Variants in ZNF254 observed in about 807,000 individuals in gnomAD.
ZNF254 encodes the protein CTD-2017D11.1.
A neutral mutation model predicts 12.4 loss-of-function variants in ZNF254; 10 were observed. That is an observed-to-expected ratio of 0.80 (90% confidence interval 0.50 to 1.36). The LOEUF (loss-of-function observed/expected upper bound fraction) is 1.36, where lower values mean the gene tolerates loss of function less well. Ranked by LOEUF, ZNF254 falls within the 40% of genes most tolerant of loss-of-function variation. ZNF254 has a pLI of 0.00. For synonymous variants in ZNF254, 305 were observed against 253.4 expected (o/e 1.20, Z -1.93); for missense variants, 996 against 763.9 (o/e 1.30, Z -3.58).
upstream of ZNF254, among the ~76,000 whole-genome samples, chr19:24,084,157 A>T (rs1971944667): frequency 6.8e-6 from 1 of 147,800 alleles, no homozygotes; most frequent in Non-Finnish European, 1.5e-5. Context: ...ATATATATAT[A>T]ATATATATAA....
At chr19:24,101,852 C>G (rs1249737721) in intron 1 of ZNF254, among the ~76,000 whole-genome samples, 1 of 152,142 alleles carries the variant, frequency 6.6e-6, no homozygotes, top group Non-Finnish European at 1.5e-5. Context: ...TTGCTTCTGT[C>G]TTAGTGTAAA....
chr19:24,091,196 G>GCCCCC (rs1972359682), intron 1 of ZNF254, among the ~76,000 whole-genome samples: 1 of 151,480 alleles, frequency 6.6e-6, no homozygotes, highest in African/African-American at 2.4e-5. Context: ...CCGCCCGCCT[G>GCCCCC]GGCCTCCCAA....
At chr19:24,040,565 A>T (rs1368145248) in intron 1 of ZNF254, among the ~76,000 whole-genome samples, 3 of 152,248 alleles carry the variant, frequency 2.0e-5, no homozygotes, top group Non-Finnish European at 2.9e-5. Context: ...CAGAAGAAAT[A>T]GCCTAAGCCA....
chr19:24,127,780 G>C lies in ZNF254; in HGVS notation c.1780G>C (p.Val594Leu). ...NRSSTFTKHK[V>L]IHTGVKPYKC... Reference sequence around the variant, plus strand: ...GTCTTCAACTTTTACTAAACATAAGGTAATTCATACTGGAGTAAAACCCTA... The same window carrying C: ...GTCTTCAACTTTTACTAAACATAAGCTAATTCATACTGGAGTAAAACCCTA... Residue 594 changes from valine to leucine, a missense_variant, in exon 4 of 4, where the codon GTA (valine) becomes CTA (leucine). Physicochemically the swap from Val to Leu is conservative, Grantham distance 32. Coordinates refer to ENST00000357002, the MANE Select transcript of ZNF254 (RefSeq NM_203282.4). 6.4e-7 allele frequency: 1 copy of C among 1,558,842 alleles called. No individual in the cohort carries two copies. Among genetic ancestry groups the C allele is most frequent in the Non-Finnish European group, 8.7e-7 (1 of 1,150,764 alleles).
chr19:24,081,092 AG>A (rs1195174657), intron 2 of ZNF254, among the ~76,000 whole-genome samples: 2 of 148,850 alleles, frequency 1.3e-5, no homozygotes, highest in Non-Finnish European at 3.0e-5. Context: ...AAAAAAAAAA[AG>A]AATATTAACT....
In ZNF254 at chr19:24,127,436, G is replaced by T; in HGVS notation, c.1436G>T (p.Arg479Ile). 2 of 1,599,714 alleles carry T rather than the reference G, an allele frequency of 1.3e-6. No homozygotes were observed. The highest frequency in any genetic ancestry group is 1.7e-6 in the Non-Finnish European group (2 of 1,174,800). ...TTTATATGGTCCTCAACCCTAACTA[G>T]ACATAAGAGGATGCACACTGGAGAG... ...KAFIWSSTLT[R>I]HKRMHTGEKP... is the part of the protein sequence containing the mutation. The change falls in exon 4 of 4, where the codon AGA becomes ATA. Residue 479 changes from arginine (R) to isoleucine (I), a missense_variant. Physicochemically the swap from Arg to Ile is moderately conservative, Grantham distance 97. Transcript: ENST00000357002.
chr19:24,079,855 G>A (rs1971787451), intron 2 of ZNF254: 1 of 152,138 alleles, frequency 6.6e-6, no homozygotes, highest in African/African-American at 2.4e-5. Context: ...ATGGTCACTT[G>A]TTTGTTGAAA....
chr19:24,041,689 G>GA (rs1970170295), intron 1 of ZNF254, among the ~76,000 whole-genome samples: 1 of 152,242 alleles, frequency 6.6e-6, no homozygotes, highest in African/African-American at 2.4e-5. Flanking sequence ...CCCAAGGGCT[G>GA]AGGAATGCGA....
chr19:24,127,647 A>T lies in ZNF254; in HGVS notation c.1647A>T (p.Glu549Asp). ...IHTEEKPYKC[E>D]KCGKAFKQSS... is the part of the protein sequence containing the mutation. ...CTGAAGAGAAACCCTACAAATGTGA[A>T]AAATGTGGCAAAGCCTTTAAGCAGT... Residue 549 changes from glutamate to aspartate, a missense_variant, in exon 4 of 4, where the codon GAA (glutamate) becomes GAT (aspartate). Physicochemically the swap from Glu to Asp is conservative, Grantham distance 45 (BLOSUM62 2). Transcript: ENST00000357002. 6.2e-7 allele frequency: 1 copy of T among 1,610,942 alleles called. No homozygotes were observed.
At chr19:24,117,184 G>A (rs1480256736) in intron 3 of ZNF254, among the ~76,000 whole-genome samples, 1 of 152,112 alleles carries the variant, frequency 6.6e-6, no homozygotes. Context: ...CCTGTTCTCA[G>A]ATCTCCAGCT....
upstream of ZNF254, chr19:24,087,131 C>T: frequency 1.4e-6 from 1 of 703,124 alleles, no homozygotes; most frequent in Non-Finnish European, 2.4e-6. Flanking sequence ...GGGCTGGGAA[C>T]TGTCCAATCA....
chr19:24,115,581 G>A (rs998631194), intron 3 of ZNF254, among the ~76,000 whole-genome samples: 2 of 151,778 alleles, frequency 1.3e-5, no homozygotes, highest in East Asian at 1.9e-4. Flanking sequence ...GCTAGATGAC[G>A]AGTTAATGGG....
chr19:24,074,533 A>G (rs1037820928), intron 2 of ZNF254, among the ~76,000 whole-genome samples: 2 of 152,082 alleles, frequency 1.3e-5, no homozygotes, highest in African/African-American at 2.4e-5. Context: ...TCCCATGGCC[A>G]TGCTTCCATG....
chr19:24,062,114 A>AAAAAG (rs1971099818), intron 2 of ZNF254, among the ~76,000 whole-genome samples: 1 of 151,746 alleles, frequency 6.6e-6, no homozygotes, highest in Non-Finnish European at 1.5e-5. Flanking sequence ...AAAAAGAAAA[A>AAAAAG]GGAGTAAAAT....
At chr19:24,107,830 T>A (rs2145825661) in intron 3 of ZNF254, among the ~76,000 whole-genome samples, 1 of 152,058 alleles carries the variant, frequency 6.6e-6, no homozygotes, top group African/African-American at 2.4e-5. Context: ...GCCCCCAGAG[T>A]GATAGAATGT....
Position 24,127,571 on chromosome 19 carries a change from G to A in ZNF254, c.1571G>A (p.Gly524Asp), listed in dbSNP as rs747822795. The A allele has an allele frequency of 3.0e-5, 48 of 1,613,430 alleles. No homozygotes were observed. In the South Asian group the frequency reaches 4.7e-4, roughly 16 times the overall value. Residue 524 changes from glycine to aspartate, a missense_variant, in exon 4 of 4, where the codon GGC becomes GAC. By Grantham distance (94) the Gly-to-Asp change is moderately conservative. Coordinates refer to ENST00000357002, the MANE Select transcript of ZNF254 (RefSeq NM_203282.4). ...AAACCCTACAAATGTGAAGAATGTG[G>A]CAAAGCCTTTAACTGGTCCTCAACT... Reference protein sequence around the residue: ...GEKPYKCEECGKAFNWSSTLT... With the variant: ...GEKPYKCEECDKAFNWSSTLT...
Position 24,127,967 on chromosome 19 carries a change from T to C in ZNF254, c.1967T>C (p.Ile656Thr). Reference protein sequence around the residue: ...TTDKITHWREILQV With the variant: ...TTDKITHWRETLQV ...GATAAGATAACTCATTGGAGAGAAATCTTACAAGTATGAATAATGTGCCAA... is the reference window on the plus strand; with the variant it reads ...GATAAGATAACTCATTGGAGAGAAACCTTACAAGTATGAATAATGTGCCAA... The change falls in exon 4 of 4, where the codon ATC becomes ACC. Residue 656 changes from isoleucine (I) to threonine (T), a missense_variant. Ile to Thr is a moderately conservative substitution (Grantham distance 89, BLOSUM62 -1). Coordinates refer to ENST00000357002, the MANE Select transcript of ZNF254 (RefSeq NM_203282.4). 1.3e-6 allele frequency: 2 copies of C among 1,555,470 alleles called. No homozygotes were observed. Among genetic ancestry groups the C allele is most frequent in the Non-Finnish European group, 1.7e-6 (2 of 1,156,698 alleles).
At chr19:24,104,670 T>C (rs1973228771) in intron 1 of ZNF254, 1 of 152,210 alleles carries the variant, frequency 6.6e-6, no homozygotes. Context: ...CCATGTAAGA[T>C]TCTCACCATG....
At chr19:24,120,528 A>G (rs561403023) in intron 3 of ZNF254, among the ~76,000 whole-genome samples, 1 of 152,276 alleles carries the variant, frequency 6.6e-6, no homozygotes, top group Admixed American at 6.5e-5. Context: ...CATCATCATT[A>G]TGATAGTAAA....
Sources: gnomAD v4.1 joint callset for allele counts (sites outside exome capture counted in the v4.1 genomes callset) on GRCh38, gnomAD v4.1.1 for gene constraint, MANE v1.5 for transcripts, NCBI Gene and HGNC (gene_info 2026-07-23, HGNC 2026-07-21) for gene names.